SNX24: variants seen among roughly 807,000 people sequenced by gnomAD.
SNX24 encodes the protein sorting nexin 24, also known as sorting nexin-24.
SNX24 carries 22 observed loss-of-function variants against 28.7 expected under a neutral mutation model. The observed-to-expected ratio is 0.77, with a 90% CI of 0.55 to 1.10. The LOEUF (loss-of-function observed/expected upper bound fraction) is 1.10. SNX24 is among the 50% of genes least tolerant of loss of function. SNX24 has a pLI of 0.00. For synonymous variants in SNX24, 69 were observed against 71.5 expected, an observed-to-expected ratio of 0.96 and a Z score of 0.18; for missense variants, 221 against 201.1, an observed-to-expected ratio of 1.10 and a Z score of -0.60.
intron 1 of SNX24, among the ~76,000 whole-genome samples, chr5:122,853,309 A>G (rs1312066033): frequency 6.6e-6 from 1 of 151,708 alleles, no homozygotes; most frequent in Non-Finnish European, 1.5e-5. Context: ...TGTATTTTTT[A>G]GTAGAGACGG....
intron 3 of SNX24, among the ~76,000 whole-genome samples, chr5:122,987,109 G>A (rs1378433193): frequency 2.6e-5 from 4 of 152,060 alleles, no homozygotes; most frequent in African/African-American, 9.7e-5. Flanking sequence ...ATCAAGCCAG[G>A]TGGCTTCTGC....
chr5:123,023,834 A>ACACC, intron 5 of SNX24: 1 of 1,606,960 alleles, frequency 6.2e-7, no homozygotes, highest in Non-Finnish European at 8.5e-7. Flanking sequence ...ACACACACAC[A>ACACC]CACCCCTGCC....
In SNX24 at chr5:122,853,654, A is replaced by T. The variant is rs964103000; in HGVS notation, c.60+7961A>T. ...TGTTATTTTCAAATTTATGTATTTT[A>T]AAAAATTTTTTTCGTACAGGTGAGG... is the stretch of plus-strand genomic sequence containing the variant. On this transcript the variant is annotated intron_variant, in intron 1 of 6. Transcript: ENST00000261369. 1.1e-5 allele frequency: 4 copies of T among 374,550 alleles called. No individual in the cohort carries two copies. The East Asian group carries it at 2.5e-4, about 23-fold the overall frequency. The allele number at this position is 374,550 out of a possible 1,614,324, so 23.2% of individuals were successfully genotyped here.
intron 3 of SNX24, among the ~76,000 whole-genome samples, chr5:122,956,171 T>C (rs1760200576): frequency 6.6e-6 from 1 of 151,988 alleles, no homozygotes; most frequent in Non-Finnish European, 1.5e-5. Flanking sequence ...TCACTGTGTA[T>C]CTTAGTTTAT....
At position 122,879,031 on chromosome 5, in the gene SNX24, A is replaced by T. The variant is rs189009026; in HGVS notation, c.60+33338A>T. ...ATGTGAGCTACAAAGAGATTTAAAA[A>T]TTTTTAGTGGCCCTATTAAAAAAGT... is the stretch of plus-strand genomic sequence containing the variant. On this transcript the variant is annotated intron_variant, in intron 1 of 6. Transcript: ENST00000261369. Among the ~76,000 whole-genome samples, 636 of 152,252 alleles carry T rather than the reference A, an allele frequency of 4.2e-3. 15 individuals carry two copies. The highest frequency in any genetic ancestry group is 2.7e-3 in the East Asian group (14 of 5,188).
intron 1 of SNX24, among the ~76,000 whole-genome samples, chr5:122,917,855 C>T (rs191540450): frequency 0.011 from 1,692 of 152,060 alleles, 11 homozygotes; most frequent in Non-Finnish European, 0.018. Flanking sequence ...CCGAGGTGGG[C>T]GGATCACGAG....
At chr5:122,857,275 G>T (rs182480844) in intron 1 of SNX24, among the ~76,000 whole-genome samples, 1,715 of 152,220 alleles carry the variant, frequency 0.011, 25 homozygotes, top group African/African-American at 0.039. Context: ...GCCTCCCAAA[G>T]TGCTGGGATT....
At chr5:122,968,192 A>G (rs918549303) in intron 3 of SNX24, among the ~76,000 whole-genome samples, 7 of 152,242 alleles carry the variant, frequency 4.6e-5, no homozygotes, top group African/African-American at 1.7e-4. Flanking sequence ...TAAAAATACA[A>G]AAGTTAGCCG....
chr5:122,969,434 T>C (rs1053620879), intron 3 of SNX24, among the ~76,000 whole-genome samples: 16 of 152,302 alleles, frequency 1.1e-4, no homozygotes, highest in South Asian at 8.3e-4. Flanking sequence ...ACAACAGATA[T>C]TGGTTTTCAA....
rs147173877 is a variant in SNX24 at position 122,904,654 on chromosome 5, A to G, written c.61-32080A>G. Among the ~76,000 whole-genome samples, 182 of 152,318 alleles carry G rather than the reference A, an allele frequency of 1.2e-3. 2 individuals carry two copies. The highest frequency in any genetic ancestry group is 4.3e-3 in the African/African-American group (179 of 41,564). The stretch of plus-strand genomic sequence containing the variant: ...AGCTTTTTCTGTATTTTATAGACTC[A>G]TTAATAATTTACATGATCATCAGAT... On this transcript the variant is annotated intron_variant, in intron 1 of 6. Coordinates refer to ENST00000261369, the MANE Select transcript of SNX24 (RefSeq NM_014035.4).
At chr5:122,983,726 C>T (rs998373990) in intron 3 of SNX24, among the ~76,000 whole-genome samples, 1 of 152,128 alleles carries the variant, frequency 6.6e-6, no homozygotes, top group African/African-American at 2.4e-5. Context: ...GCCTTAGCTA[C>T]CTGAGTAGGT....
At chr5:122,868,734 G>A (rs1291709593) in intron 1 of SNX24, among the ~76,000 whole-genome samples, 4 of 152,132 alleles carry the variant, frequency 2.6e-5, no homozygotes, top group East Asian at 3.9e-4. Context: ...TGTTGCCTCC[G>A]AGATTCAAAG....
chr5:122,922,048 CAG>C (rs1437235458), intron 1 of SNX24, among the ~76,000 whole-genome samples: 1 of 152,126 alleles, frequency 6.6e-6, no homozygotes, highest in East Asian at 1.9e-4. Context: ...TTAAGAATGA[CAG>C]TGATTCATGC....
chr5:122,894,115 T>C (rs190693347), intron 1 of SNX24, among the ~76,000 whole-genome samples: 19 of 152,294 alleles, frequency 1.2e-4, no homozygotes. Flanking sequence ...AGGCTCTTTT[T>C]ATGAGGTTTT....
At chr5:122,881,672 T>A (rs59480442) in intron 1 of SNX24, among the ~76,000 whole-genome samples, 19,338 of 151,774 alleles carry the variant, frequency 0.13, 1,557 homozygotes, top group East Asian at 0.36. Flanking sequence ...TATAATTACA[T>A]CATATGGTTA....
chr5:122,870,765 A>G (rs27976), intron 1 of SNX24, among the ~76,000 whole-genome samples: 117,871 of 151,850 alleles, frequency 0.78, 46,769 homozygotes, highest in East Asian at 0.99. Context: ...GAAAAACTTC[A>G]GGTGTTAGCA....
chr5:123,016,948 C>T (rs1380586852), intron 5 of SNX24, among the ~76,000 whole-genome samples: 11 of 152,056 alleles, frequency 7.2e-5, no homozygotes, highest in Non-Finnish European at 1.3e-4. Context: ...GAAAGTAAAA[C>T]TAGATGCAAC....
intron 1 of SNX24, among the ~76,000 whole-genome samples, chr5:122,847,492 C>A (rs2150026861): frequency 1.4e-5 from 1 of 69,908 alleles, no homozygotes; most frequent in South Asian, 6.4e-4. Flanking sequence ...CTGTTAAAAT[C>A]TCTCTCTCTC....
At chr5:122,869,453 T>G (rs1435899188) in intron 1 of SNX24, among the ~76,000 whole-genome samples, 2 of 152,232 alleles carry the variant, frequency 1.3e-5, no homozygotes, top group African/African-American at 4.8e-5. Context: ...TGACCAAAAT[T>G]TTTTACATTG....
Sources: gnomAD v4.1 joint callset for allele counts (sites outside exome capture counted in the v4.1 genomes callset) on GRCh38, gnomAD v4.1.1 for gene constraint, MANE v1.5 for transcripts, NCBI Gene and HGNC (gene_info 2026-07-23, HGNC 2026-07-21) for gene names.